CYP7B1: variants seen among roughly 807,000 people sequenced by gnomAD.
The protein encoded by CYP7B1 is cytochrome P450 family 7 subfamily B member 1.
Under a neutral mutation model 42.7 loss-of-function variants are expected in CYP7B1, and 29 were observed. The ratio of observed to expected loss-of-function variants is 0.68; its 90% CI spans 0.51 to 0.93. CYP7B1 has a LOEUF of 0.93. CYP7B1 is among the 40% of genes least tolerant of loss of function. The pLI is 0.00. For synonymous variants in CYP7B1, 235 were observed against 218.2 expected, an observed-to-expected ratio of 1.08 and a Z score of -0.68; for missense variants, 655 against 600.5, an observed-to-expected ratio of 1.09 and a Z score of -0.95.
At chr8:64,644,268 T>A (rs910996771) in intron 1 of CYP7B1, among the ~76,000 whole-genome samples, 4 of 143,012 alleles carry the variant, frequency 2.8e-5, no homozygotes, top group African/African-American at 7.8e-5. Context: ...TGGGACTCCA[T>A]CTCAAAAAAA....
At chr8:64,791,911 T>A (rs1465867953) in intron 1 of CYP7B1, among the ~76,000 whole-genome samples, 1 of 152,124 alleles carries the variant, frequency 6.6e-6, no homozygotes, top group Non-Finnish European at 1.5e-5. Flanking sequence ...AATCTGGACG[T>A]CAACAACCCC....
At chr8:64,670,333 A>C (rs141163620) in intron 1 of CYP7B1, among the ~76,000 whole-genome samples, 5 of 152,334 alleles carry the variant, frequency 3.3e-5, no homozygotes, top group African/African-American at 1.2e-4. Flanking sequence ...AGGTAAAATT[A>C]TGTAAAGTCT....
chr8:64,782,466 C>A (rs576061699), intron 1 of CYP7B1, among the ~76,000 whole-genome samples: 4 of 152,214 alleles, frequency 2.6e-5, no homozygotes, highest in Admixed American at 1.3e-4. Flanking sequence ...ACTGCTGGAA[C>A]CTTCATCTAG....
intron 1 of CYP7B1, among the ~76,000 whole-genome samples, chr8:64,665,558 GGTTTT>G (rs1806262864): frequency 1.3e-5 from 1 of 74,782 alleles, no homozygotes; most frequent in African/African-American, 4.7e-5. Flanking sequence ...TTTTTTTGGT[GGTTTT>G]TTTTTTTTTT....
rs1285868725 is a variant in CYP7B1, at chr8:64,593,232, G to GGGGTGTGT, written c.*3409_*3410insACACACCC. Among the ~76,000 whole-genome samples, 127 of 123,450 alleles carry GGGGTGTGT rather than the reference G, an allele frequency of 1.0e-3. No individual in the cohort carries two copies. Among genetic ancestry groups the GGGGTGTGT allele is most frequent in the South Asian group, 2.0e-3 (7 of 3,570 alleles). 81.0% of individuals were successfully genotyped at this position (123,450 alleles called of 152,430 possible). A position where few individuals can be genotyped will look rare whatever the true frequency, so the allele number is the denominator to read the frequency against. Reference sequence around the variant, plus strand: ...TGGTGGACTAAAGGCTAGGGCCCAGGGTGTGTGTGTGTGTGTGTGTGTGTG... The same window carrying GGGGTGTGT: ...TGGTGGACTAAAGGCTAGGGCCCAGGGGGTGTGTGTGTGTGTGTGTGTGTGTGTGTGTG... On this transcript the variant is annotated 3_prime_UTR_variant, in exon 6 of 6. Transcript: ENST00000310193.
intron 1 of CYP7B1, among the ~76,000 whole-genome samples, chr8:64,758,514 T>C (rs534082956): frequency 6.6e-6 from 1 of 152,162 alleles, no homozygotes; most frequent in Non-Finnish European, 1.5e-5. Flanking sequence ...TTCACATTGT[T>C]ATTAAGAATA....
chr8:64,768,258 C>T (rs914057227), intron 1 of CYP7B1, among the ~76,000 whole-genome samples: 1 of 151,918 alleles, frequency 6.6e-6, no homozygotes, highest in Non-Finnish European at 1.5e-5. Flanking sequence ...GGACAATGAT[C>T]GGGATATAAA....
intron 1 of CYP7B1, among the ~76,000 whole-genome samples, chr8:64,646,816 T>C (rs1805960571): frequency 6.6e-6 from 1 of 152,246 alleles, no homozygotes; most frequent in East Asian, 1.9e-4. Context: ...TGATCTTTTA[T>C]TCAGACGGCT....
At chr8:64,675,322 C>T (rs1372400743) in intron 1 of CYP7B1, among the ~76,000 whole-genome samples, 1 of 151,576 alleles carries the variant, frequency 6.6e-6, no homozygotes, top group Admixed American at 6.6e-5. Context: ...TGTTATAATC[C>T]CCTCATTCTT....
chr8:64,753,437 C>T (rs1036548919), intron 1 of CYP7B1, among the ~76,000 whole-genome samples: 1 of 152,150 alleles, frequency 6.6e-6, no homozygotes, highest in Non-Finnish European at 1.5e-5. Context: ...AGACGTTCTT[C>T]GAAGTCCAAG....
intron 1 of CYP7B1, among the ~76,000 whole-genome samples, chr8:64,708,253 C>T (rs1164225769): frequency 6.6e-6 from 1 of 152,090 alleles, no homozygotes; most frequent in Non-Finnish European, 1.5e-5. Flanking sequence ...CAGTGAAAAT[C>T]ACTGAAATTT....
At chr8:64,651,130 G>C (rs951186777) in intron 1 of CYP7B1, among the ~76,000 whole-genome samples, 1 of 152,138 alleles carries the variant, frequency 6.6e-6, no homozygotes, top group African/African-American at 2.4e-5. Flanking sequence ...ATGTTTTAGG[G>C]GTTGCTTAAT....
chr8:64,768,792 T>C (rs1804154819), intron 1 of CYP7B1, among the ~76,000 whole-genome samples: 1 of 152,160 alleles, frequency 6.6e-6, no homozygotes, highest in South Asian at 2.1e-4. Flanking sequence ...CAAACAAATG[T>C]CTGACTTCAC....
chr8:64,785,274 A>G (rs921608671), intron 1 of CYP7B1, among the ~76,000 whole-genome samples: 3 of 152,244 alleles, frequency 2.0e-5, no homozygotes, highest in African/African-American at 7.2e-5. Flanking sequence ...AAAATGGTAC[A>G]GTCATTTTGG....
At chr8:64,665,559 G>GTTTTTTTTTTTTTTTTTTTT (rs540578806) in intron 1 of CYP7B1, among the ~76,000 whole-genome samples, 2 of 52,022 alleles carry the variant, frequency 3.8e-5, no homozygotes, top group Non-Finnish European at 6.4e-5. Context: ...TTTTTTGGTG[G>GTTTTTTTTTTTTTTTTTTTT]TTTTTTTTTT....
intron 1 of CYP7B1, among the ~76,000 whole-genome samples, chr8:64,665,908 A>C (rs953429824): frequency 2.0e-5 from 3 of 152,142 alleles, no homozygotes; most frequent in African/African-American, 7.2e-5. Flanking sequence ...GCAACTTTTT[A>C]CGACTGGCAA....
intron 1 of CYP7B1, among the ~76,000 whole-genome samples, chr8:64,772,663 G>A (rs1804255951): frequency 6.6e-6 from 1 of 152,092 alleles, no homozygotes; most frequent in Non-Finnish European, 1.5e-5. Context: ...ACAGGTGTCT[G>A]GCTTCTACCC....
chr8:64,760,777 G>A (rs543651244), intron 1 of CYP7B1, among the ~76,000 whole-genome samples: 16 of 152,158 alleles, frequency 1.1e-4, no homozygotes, highest in African/African-American at 2.2e-4. Flanking sequence ...TACCCATTAC[G>A]TAAAACAGTA....
At chr8:64,717,564 T>A (rs1029488666) in intron 1 of CYP7B1, among the ~76,000 whole-genome samples, 2 of 152,068 alleles carry the variant, frequency 1.3e-5, no homozygotes, top group Non-Finnish European at 2.9e-5. Flanking sequence ...CTAAGAGTTA[T>A]TTTTTTGGCC....
Sources: allele counts gnomAD v4.1 joint callset (sites outside exome capture counted in the v4.1 genomes callset), GRCh38; gene constraint gnomAD v4.1.1; transcripts MANE v1.5; gene names NCBI Gene and HGNC (gene_info 2026-07-23, HGNC 2026-07-21).